SLC20A2: variants seen among roughly 807,000 people sequenced by gnomAD.
The protein encoded by SLC20A2 is sodium-dependent phosphate transporter 2.
SLC20A2 carries 30 observed loss-of-function variants against 61.0 expected under a neutral mutation model. The observed-to-expected ratio is 0.49, with a 90% CI of 0.37 to 0.67. The LOEUF is 0.67. SLC20A2 is among the 30% of genes least tolerant of loss of function. The pLI, the probability that SLC20A2 is intolerant of heterozygous loss-of-function variation, is 0.00. For missense variants in SLC20A2, 626 were observed against 866.4 expected, an observed-to-expected ratio of 0.72 and a Z score of 3.48; for synonymous variants, 351 against 353.3, an observed-to-expected ratio of 0.99 and a Z score of 0.07.
intron 1 of SLC20A2, among the ~76,000 whole-genome samples, chr8:42,496,921 C>T (rs1166799529): frequency 1.3e-5 from 2 of 152,350 alleles, no homozygotes; most frequent in South Asian, 2.1e-4. Flanking sequence ...ATATGGGCTA[C>T]ACGCTACCTC....
At chr8:42,519,886 A>G (rs1281840837) in intron 1 of SLC20A2, among the ~76,000 whole-genome samples, 3 of 152,142 alleles carry the variant, frequency 2.0e-5, no homozygotes, top group Non-Finnish European at 4.4e-5. Flanking sequence ...TTTATAAAAC[A>G]TATTAGGACC....
At chr8:42,537,062 C>T (rs1261827253) in intron 1 of SLC20A2, among the ~76,000 whole-genome samples, 2 of 150,040 alleles carry the variant, frequency 1.3e-5, no homozygotes, top group Middle Eastern at 3.4e-3. Context: ...GCAACAGAGC[C>T]GGAGTCTGTT....
At chr8:42,511,364 C>T (rs1811021043) in intron 1 of SLC20A2, among the ~76,000 whole-genome samples, 1 of 152,076 alleles carries the variant, frequency 6.6e-6, no homozygotes, top group Admixed American at 6.6e-5. Context: ...CGCAGTGGCT[C>T]ACACCTATGA....
At chr8:42,432,775 G>A (rs541704103) in intron 8 of SLC20A2, among the ~76,000 whole-genome samples, 9 of 152,284 alleles carry the variant, frequency 5.9e-5, no homozygotes, top group Admixed American at 3.3e-4. Flanking sequence ...AATGTTCACA[G>A]GATTGCTAGC....
intron 1 of SLC20A2, among the ~76,000 whole-genome samples, chr8:42,533,661 T>TCTTTTTTTTTTTTTTTTTTTTC (rs1316387052): frequency 8.5e-6 from 1 of 118,050 alleles, no homozygotes; most frequent in Admixed American, 8.4e-5. Flanking sequence ...GTTCTTTTTT[T>TCTTTTTTTTTTTTTTTTTTTTC]TTTTTTTTTT....
At chr8:42,512,133 T>C (rs1811068042) in intron 1 of SLC20A2, among the ~76,000 whole-genome samples, 1 of 152,150 alleles carries the variant, frequency 6.6e-6, no homozygotes, top group African/African-American at 2.4e-5. Context: ...TAAGAGTTGG[T>C]TTCTTCTTTT....
chr8:42,473,784 C>G (rs1427638584), intron 1 of SLC20A2, among the ~76,000 whole-genome samples: 2 of 152,156 alleles, frequency 1.3e-5, no homozygotes, highest in East Asian at 3.9e-4. Context: ...ACACCATATA[C>G]AATATAATAA....
At chr8:42,492,963 G>T (rs1236624120) in intron 1 of SLC20A2, among the ~76,000 whole-genome samples, 2 of 152,182 alleles carry the variant, frequency 1.3e-5, no homozygotes, top group Non-Finnish European at 2.9e-5. Context: ...TTACAGGCGT[G>T]AGCCACCACG....
At chr8:42,535,154 G>C (rs1016648834) in intron 1 of SLC20A2, 1 of 151,908 alleles carries the variant, frequency 6.6e-6, no homozygotes, top group East Asian at 1.9e-4. Context: ...GAGTCATTTG[G>C]CCAGGCAGTC....
In SLC20A2 at chr8:42,441,940, C is replaced by T. The variant is rs1233614853; in HGVS notation, c.731-2287G>A. Among the ~76,000 whole-genome samples, 8 of 145,316 alleles carry T rather than the reference C, an allele frequency of 5.5e-5. 1 individual carries two copies. Among genetic ancestry groups the T allele is most frequent in the African/African-American group, 1.8e-4 (7 of 39,126 alleles). On this transcript the variant is annotated intron_variant, in intron 6 of 10. Transcript: ENST00000520262. ...ATGAAGTACAATTTATCAAGTTGTCCTTTTTTTTTTTGAGATGGAGTTTTG... is the reference window on the plus strand; with the variant it reads ...ATGAAGTACAATTTATCAAGTTGTCTTTTTTTTTTTTGAGATGGAGTTTTG...
intron 1 of SLC20A2, chr8:42,534,780 C>T (rs1352417308): frequency 4.6e-5 from 7 of 152,166 alleles, no homozygotes; most frequent in African/African-American, 1.4e-4. Context: ...ATTCAGCACA[C>T]GACACCCTTT....
intron 10 of SLC20A2, 94 bp from the exon 11 acceptor site, chr8:42,418,061 T>C (rs1168735175): frequency 1.0e-6 from 1 of 975,994 alleles, no homozygotes; most frequent in African/African-American, 1.6e-5. Context: ...CAAGCTCTAG[T>C]ACAACATTAC....
intron 1 of SLC20A2, among the ~76,000 whole-genome samples, chr8:42,533,056 T>C (rs1322513649): frequency 6.6e-6 from 1 of 152,144 alleles, no homozygotes; most frequent in Admixed American, 6.5e-5. Context: ...GCTAAAAGAA[T>C]GATGCAGAAC....
At chr8:42,479,189 A>G (rs1191007611) in intron 1 of SLC20A2, among the ~76,000 whole-genome samples, 1 of 152,236 alleles carries the variant, frequency 6.6e-6, no homozygotes, top group Non-Finnish European at 1.5e-5. Flanking sequence ...ATCTCACGGT[A>G]GAAACCCATT....
intron 1 of SLC20A2, among the ~76,000 whole-genome samples, chr8:42,487,717 A>C (rs1391117747): frequency 1.3e-5 from 2 of 152,162 alleles, no homozygotes; most frequent in African/African-American, 2.4e-5. Flanking sequence ...TCTTTTACAA[A>C]ATGTTTTTAA....
At chr8:42,507,922 G>T (rs570794128) in intron 1 of SLC20A2, among the ~76,000 whole-genome samples, 1 of 152,222 alleles carries the variant, frequency 6.6e-6, no homozygotes, top group African/African-American at 2.4e-5. Flanking sequence ...CACTTTGGGA[G>T]GCTGAGGCGG....
chr8:42,425,842 A>C (rs568293632), intron 10 of SLC20A2, among the ~76,000 whole-genome samples: 336 of 152,192 alleles, frequency 2.2e-3, no homozygotes, highest in African/African-American at 7.8e-3. Context: ...GGAGATCGAG[A>C]CCATCCTGGC....
intron 5 of SLC20A2, among the ~76,000 whole-genome samples, chr8:42,457,372 T>C (rs1258796731): frequency 1.3e-5 from 2 of 152,166 alleles, no homozygotes; most frequent in African/African-American, 4.8e-5. Context: ...ACTCTCCTCA[T>C]CAATCTAACT....
intron 1 of SLC20A2, among the ~76,000 whole-genome samples, chr8:42,495,361 G>A (rs911241411): frequency 6.6e-6 from 1 of 152,142 alleles, no homozygotes; most frequent in African/African-American, 2.4e-5. Context: ...TATATTTATT[G>A]GAAGTTCATG....
Sources: allele counts gnomAD v4.1 joint callset (sites outside exome capture counted in the v4.1 genomes callset), GRCh38; gene constraint gnomAD v4.1.1; transcripts MANE v1.5; gene names NCBI Gene and HGNC (gene_info 2026-07-23, HGNC 2026-07-21).